Variants in CACNA1G observed in about 807,000 individuals in gnomAD.
CACNA1G encodes the protein voltage-dependent T-type calcium channel subunit alpha-1G.
Under a neutral mutation model 219.4 loss-of-function variants are expected in CACNA1G, and 67 were observed. The ratio of observed to expected loss-of-function variants is 0.31; its 90% CI spans 0.25 to 0.37. The LOEUF is 0.37. CACNA1G is among the 10% of genes least tolerant of loss of function. The probability of loss-of-function intolerance (pLI) is 1.00; values close to 1 mark genes in which losing one functional copy is unlikely to be tolerated. For synonymous variants in CACNA1G, 1,296 were observed against 1,345.3 expected, an observed-to-expected ratio of 0.96 and a Z score of 0.80; for missense variants, 2,380 against 3,231.4, an observed-to-expected ratio of 0.74 and a Z score of 6.39.
chr17:50,571,396 G>A lies in CACNA1G; in HGVS notation c.587-482G>A, dbSNP rs915901684. ...GAAAGGTCAAGTGACTGTGCCTGTT[G>A]AGAGAAGGAAGTAGGTAGGGAGTGT... is the stretch of plus-strand genomic sequence containing the variant. On this transcript the variant is annotated intron_variant, in intron 4 of 37. Coordinates refer to ENST00000359106, the MANE Select transcript of CACNA1G (RefSeq NM_018896.5). The surrounding 1 kb of genome is among the most constrained non-coding windows in gnomAD (Gnocchi z 4.3). Among the ~76,000 whole-genome samples, 4 of 152,142 alleles carry A rather than the reference G, an allele frequency of 2.6e-5. No individual in the cohort carries two copies. Among genetic ancestry groups the A allele is most frequent in the African/African-American group, 9.7e-5 (4 of 41,412 alleles).
chr17:50,574,934 G>C (rs2040308314), intron 7 of CACNA1G, among the ~76,000 whole-genome samples: 1 of 152,082 alleles, frequency 6.6e-6, no homozygotes, highest in South Asian at 2.1e-4. Context: ...CTGAGGGAGG[G>C]GGGCACAGGG....
chr17:50,582,556 G>A (rs1028993423), intron 9 of CACNA1G, among the ~76,000 whole-genome samples: 1 of 152,120 alleles, frequency 6.6e-6, no homozygotes, highest in Admixed American at 6.5e-5. Context: ...ACCATATCCA[G>A]CAGGCTGTCG....
At position 50,596,983 on chromosome 17, in the gene CACNA1G, G is replaced by A; in HGVS notation, c.3258+60G>A. On this transcript the variant is annotated intron_variant, in intron 16 of 37. Coordinates refer to ENST00000359106, the MANE Select transcript of CACNA1G (RefSeq NM_018896.5). The surrounding 1 kb of genome is among the most constrained non-coding windows in gnomAD (Gnocchi z 4.8). ...GATATTCCAAGGAGGACAGGAGGAA[G>A]AGAGGATGGAGGCAGGCGGGTCCAA... 1 of 1,419,546 alleles carries A rather than the reference G, an allele frequency of 7.0e-7. No homozygotes were observed. Among genetic ancestry groups the A allele is most frequent in the South Asian group, 1.4e-5 (1 of 70,044 alleles). The allele number at this position is 1,419,546 out of a possible 1,614,324, so 87.9% of individuals were successfully genotyped here.
chr17:50,592,839 G>T (rs2044635018), intron 13 of CACNA1G, among the ~76,000 whole-genome samples: 1 of 152,186 alleles, frequency 6.6e-6, no homozygotes, highest in African/African-American at 2.4e-5. Context: ...GTTGGGTCTG[G>T]AGAAGCTCTT....
rs901575847 is a variant in CACNA1G, at chr17:50,599,420, A to AC, written c.3259-5dup. ...GCCTGAGACCACTCCTCCCCTGCTC[A>AC]CCCACAGCCCAGCGCCCGCAGCTCT... is the stretch of plus-strand genomic sequence containing the variant. On this transcript the variant is annotated splice_region_variant and splice_polypyrimidine_tract_variant and intron_variant, in intron 16 of 37. Coordinates refer to ENST00000359106, the MANE Select transcript of CACNA1G (RefSeq NM_018896.5). 2 of 1,532,748 alleles carry AC rather than the reference A, an allele frequency of 1.3e-6. No homozygotes were observed. The highest frequency in any genetic ancestry group is 4.0e-5 in the Admixed American group (2 of 50,164). The allele number at this position is 1,532,748 out of a possible 1,614,324, so 94.9% of individuals were successfully genotyped here.
At chr17:50,597,445 G>C (rs1182162035) in intron 16 of CACNA1G, among the ~76,000 whole-genome samples, 1 of 152,202 alleles carries the variant, frequency 6.6e-6, no homozygotes, top group African/African-American at 2.4e-5. Flanking sequence ...CAGGAGGCTA[G>C]TGTTGGTGCC....
chr17:50,619,204 C>T (rs944591405), intron 33 of CACNA1G, among the ~76,000 whole-genome samples, 196 bp downstream of exon 33: 1 of 152,328 alleles, frequency 6.6e-6, no homozygotes, highest in African/African-American at 2.4e-5. Flanking sequence ...CACAGGGCCA[C>T]CCCAGCAGAC....
chr17:50,627,183 A>G lies in CACNA1G; in HGVS notation c.*432A>G. The G allele has an allele frequency of 2.2e-6, 1 of 455,510 alleles. No individual in the cohort carries two copies. The highest frequency in any genetic ancestry group is 4.4e-6 in the Non-Finnish European group (1 of 227,802). The allele number at this position is 455,510 out of a possible 1,614,324, so 28.2% of individuals were successfully genotyped here. A position where few individuals can be genotyped will look rare whatever the true frequency, so the allele number is the denominator to read the frequency against. ...GTCTGTCTCTTGGCTATTTTAACCT[A>G]AAATAACAGTCTAGTTATATTCCCT... On this transcript the variant is annotated 3_prime_UTR_variant, in exon 38 of 38. Transcript: ENST00000359106.
At chr17:50,585,996 C>T (rs58770574) in intron 9 of CACNA1G, among the ~76,000 whole-genome samples, 6,804 of 152,174 alleles carry the variant, frequency 0.045, 519 homozygotes, top group African/African-American at 0.15. Flanking sequence ...GGGCAGAGCA[C>T]GAGTGACTGG....
intron 23 of CACNA1G, 108 bp downstream of exon 23, chr17:50,606,131 G>A (rs752988267): frequency 1.4e-6 from 2 of 1,447,166 alleles, no homozygotes; most frequent in East Asian, 2.3e-5. Context: ...TCCACGAAGA[G>A]ATCAGCCCTT....
intron 13 of CACNA1G, among the ~76,000 whole-genome samples, chr17:50,594,115 C>G (rs1040193303): frequency 6.6e-6 from 1 of 152,218 alleles, no homozygotes; most frequent in African/African-American, 2.4e-5. Context: ...CAAGGGTAGC[C>G]CCCCTGCTGG....
At position 50,621,587 on chromosome 17, in the gene CACNA1G, C is replaced by A. The variant is rs774202880; in HGVS notation, c.5926-73C>A. 1.3e-6 allele frequency: 2 copies of A among 1,527,322 alleles called. No individual in the cohort carries two copies. The highest frequency in any genetic ancestry group is 1.7e-5 in the Admixed American group (1 of 57,774). 94.6% of individuals were successfully genotyped at this position (1,527,322 alleles called of 1,614,324 possible). A position where few individuals can be genotyped will look rare whatever the true frequency, so the allele number is the denominator to read the frequency against. ...GGGGGAAGTGGGGACTGAGAGAGAG[C>A]GCGTGTGTGCGTGTGCACGCGCGTG... On this transcript the variant is annotated intron_variant, in intron 34 of 37. Transcript: ENST00000359106. This position sits in a 1 kb window ranked among gnomAD's most constrained non-coding sequence, Gnocchi z 4.6.
intron 7 of CACNA1G, chr17:50,573,757 C>A (rs1313260546): frequency 1.3e-5 from 2 of 152,240 alleles, no homozygotes; most frequent in African/African-American, 4.8e-5. Flanking sequence ...TTTAAGAAGG[C>A]AGAAGACGGA....
At chr17:50,613,123 CT>C (rs1408790783) in intron 26 of CACNA1G, among the ~76,000 whole-genome samples, 1 of 152,256 alleles carries the variant, frequency 6.6e-6, no homozygotes, top group Non-Finnish European at 1.5e-5. Flanking sequence ...CACCTGGCAA[CT>C]GGCGAGGGAC....
At position 50,561,518 on chromosome 17, in the gene CACNA1G, T is replaced by G; in HGVS notation, c.59T>G (p.Met20Arg). The G allele has an allele frequency of 7.2e-6, 11 of 1,536,926 alleles. No homozygotes were observed. Among genetic ancestry groups the G allele is most frequent in the Non-Finnish European group, 9.6e-6 (11 of 1,146,416 alleles). ...AEESGQPRSF[M>R]RLNDLSGAGG... ...GAGTCGGGACAGCCCCGGAGCTTCA[T>G]GCGGCTCAACGACCTGTCGGGGGCC... Residue 20 changes from methionine (M) to arginine (R), a missense_variant, in exon 1 of 38, where the codon ATG becomes AGG. By Grantham distance (91) the Met-to-Arg change is moderately conservative (BLOSUM62 -1). This residue lies in a region of CACNA1G where 98 missense variants were observed against 85.5 expected (regional missense o/e 1.15). Coordinates refer to ENST00000359106, the MANE Select transcript of CACNA1G (RefSeq NM_018896.5).
At chr17:50,575,165 A>G (rs2040378279) in intron 7 of CACNA1G, among the ~76,000 whole-genome samples, 1 of 152,178 alleles carries the variant, frequency 6.6e-6, no homozygotes, top group Admixed American at 6.5e-5. Flanking sequence ...CTCCTAATGG[A>G]AATTGCGGAA....
intron 34 of CACNA1G, among the ~76,000 whole-genome samples, chr17:50,620,703 A>G (rs919764967): frequency 2.0e-5 from 3 of 152,200 alleles, no homozygotes; most frequent in African/African-American, 7.2e-5. Context: ...GTTCTTAGGA[A>G]GCCTTTAGCC....
At chr17:50,623,245 C>T (rs557958666) in intron 35 of CACNA1G, among the ~76,000 whole-genome samples, 6 of 148,380 alleles carry the variant, frequency 4.0e-5, no homozygotes, top group African/African-American at 1.3e-4. Flanking sequence ...ACAGGTGCCA[C>T]GCCACCATAT....
chr17:50,623,653 G>T (rs555574415), intron 35 of CACNA1G, among the ~76,000 whole-genome samples: 5 of 151,974 alleles, frequency 3.3e-5, no homozygotes, highest in African/African-American at 1.2e-4. Flanking sequence ...TGCAGGGGGT[G>T]GGGGGCAGGG....
Sources: allele counts gnomAD v4.1 joint callset (sites outside exome capture counted in the v4.1 genomes callset), GRCh38; gene constraint gnomAD v4.1.1; regional missense constraint gnomAD v4.1.1; non-coding constraint Gnocchi (gnomAD v3.1); transcripts MANE v1.5; gene names NCBI Gene and HGNC (gene_info 2026-07-23, HGNC 2026-07-21).